Variants in IGSF9 observed in about 807,000 individuals in gnomAD.
IGSF9 encodes protein turtle homolog A.
A neutral mutation model predicts 121.7 loss-of-function variants in IGSF9; 87 were observed. The observed-to-expected ratio is 0.71, with a 90% CI of 0.60 to 0.85. IGSF9 has a LOEUF of 0.85. Among genes scored for constraint, IGSF9 ranks in the 40% least tolerant of loss-of-function variants. IGSF9 has a pLI of 0.00. For missense variants in IGSF9, 1,462 were observed against 1,565.3 expected (o/e 0.93, Z 1.11); for synonymous variants, 640 against 648.4 (o/e 0.99, Z 0.20).
intron 2 of IGSF9, 58 bp from the exon 3 acceptor site, chr1:159,943,209 GA>G: frequency 6.9e-7 from 1 of 1,448,942 alleles, no homozygotes; most frequent in South Asian, 1.3e-5. Flanking sequence ...CTGGGAGGGG[GA>G]GTGCCATCAG....
chr1:159,931,739 C>T lies in IGSF9; in HGVS notation c.1362+73G>A. Reference sequence around the variant, plus strand: ...TCTCCTTCCCACACCCTCCCTCCCACAAAATGGCTGGGGCACGAGAGGCAG... The same window carrying T: ...TCTCCTTCCCACACCCTCCCTCCCATAAAATGGCTGGGGCACGAGAGGCAG... On this transcript the variant is annotated intron_variant, in intron 11 of 20. Coordinates refer to ENST00000368094, the MANE Select transcript of IGSF9 (RefSeq NM_001135050.2). This position sits in a 1 kb window ranked among gnomAD's most constrained non-coding sequence, Gnocchi z 4.8. The T allele has an allele frequency of 2.7e-6, 4 of 1,473,228 alleles. No individual in the cohort carries two copies. Among genetic ancestry groups the T allele is most frequent in the Non-Finnish European group, 3.7e-6 (4 of 1,077,736 alleles). 91.3% of individuals were successfully genotyped at this position (1,473,228 alleles called of 1,614,324 possible).
In IGSF9 at chr1:159,931,262, C is replaced by G. The variant is rs767642813; in HGVS notation, c.1514-1G>C. The stretch of plus-strand genomic sequence containing the variant: ...TTGGTGACAACATGAGGGCTAGTGC[C>G]TAGGCAGGGGGGAATGGAGGGATGG... On this transcript the variant is annotated splice_acceptor_variant, in intron 12 of 20. Coordinates refer to ENST00000368094, the MANE Select transcript of IGSF9 (RefSeq NM_001135050.2). LOFTEE classifies it high-confidence loss of function. The surrounding 1 kb of genome is among the most constrained non-coding windows in gnomAD (Gnocchi z 4.8). The G allele has an allele frequency of 7.4e-6, 12 of 1,614,074 alleles. No homozygotes were observed. The highest frequency in any genetic ancestry group is 9.3e-6 in the Non-Finnish European group (11 of 1,179,952).
intron 19 of IGSF9, 75 bp downstream of exon 19, chr1:159,928,083 A>G: frequency 6.5e-7 from 1 of 1,539,810 alleles, no homozygotes; most frequent in Admixed American, 1.8e-5. Flanking sequence ...GAGAAGGTGC[A>G]GGGTATTGGG....
intron 13 of IGSF9, 37 bp from the exon 14 acceptor site, chr1:159,930,904 C>G: frequency 6.5e-7 from 1 of 1,549,292 alleles, no homozygotes; most frequent in African/African-American, 1.4e-5. Context: ...ACCTCGTGAG[C>G]TAGGAAGACC....
rs575352607 is a variant in IGSF9 at position 159,927,095 on chromosome 1, C to CAGAGAGAGAG, written c.*249_*250insCTCTCTCTCT. On this transcript the variant is annotated 3_prime_UTR_variant, in exon 21 of 21. Coordinates refer to ENST00000368094, the MANE Select transcript of IGSF9 (RefSeq NM_001135050.2). Reference sequence around the variant, plus strand: ...AAAACTTCACACACACACACACACACACAGAGAGAGAGAGAGAGAGAGAGA... The same window carrying CAGAGAGAGAG: ...AAAACTTCACACACACACACACACACAGAGAGAGAGACAGAGAGAGAGAGAGAGAGAGAGA... 328 of 450,902 alleles carry CAGAGAGAGAG rather than the reference C, an allele frequency of 7.3e-4. No homozygotes were observed. The highest frequency in any genetic ancestry group is 2.5e-3 in the South Asian group (89 of 35,414). 27.9% of individuals were successfully genotyped at this position (450,902 alleles called of 1,614,324 possible). A position where few individuals can be genotyped will look rare whatever the true frequency, so the allele number is the denominator to read the frequency against.
chr1:159,928,699 G>T lies in IGSF9; in HGVS notation c.2689C>A (p.Pro897Thr), dbSNP rs754681693. 7.4e-6 allele frequency: 11 copies of T among 1,478,604 alleles called. No homozygotes were observed. Among genetic ancestry groups the T allele is most frequent in the Admixed American group, 2.6e-5 (1 of 38,806 alleles). The allele number at this position is 1,478,604 out of a possible 1,614,324, so 91.6% of individuals were successfully genotyped here. Residue 897 changes from proline to threonine, a missense_variant, in exon 19 of 21, where the codon CCC becomes ACC. Physicochemically the swap from Pro to Thr is conservative, Grantham distance 38 (BLOSUM62 -1). Transcript: ENST00000368094. ...GGGCTGATGTCTTCAATGCAGAGGG[G>T]CTGGGGTGCCCCACTGGGGCTGCTG... Reference protein sequence around the residue: ...SSSSPSGAPQPLCIEDISPVA... With the variant: ...SSSSPSGAPQTLCIEDISPVA...
At position 159,931,677 on chromosome 1, in the gene IGSF9, C is replaced by A; in HGVS notation, c.1363-74G>T. 6.4e-7 allele frequency: 1 copy of A among 1,562,754 alleles called. No individual in the cohort carries two copies. The highest frequency in any genetic ancestry group is 8.7e-7 in the Non-Finnish European group (1 of 1,146,564). On this transcript the variant is annotated intron_variant, in intron 11 of 20. Transcript: ENST00000368094. This position sits in a 1 kb window ranked among gnomAD's most constrained non-coding sequence, Gnocchi z 4.8. ...CAAAGGCGCCCCTCATCTCTCCAGGCAGCTCCAGTTCCTCCCCACCCTGCC... is the reference window on the plus strand; with the variant it reads ...CAAAGGCGCCCCTCATCTCTCCAGGAAGCTCCAGTTCCTCCCCACCCTGCC...
chr1:159,944,951 C>T (rs766974833), intron 1 of IGSF9, among the ~76,000 whole-genome samples: 1 of 152,018 alleles, frequency 6.6e-6, no homozygotes, highest in Non-Finnish European at 1.5e-5. Context: ...GGTTGTTTTC[C>T]GAGACTCTGA....
chr1:159,933,733 G>T, intron 9 of IGSF9: 1 of 197,534 alleles, frequency 5.1e-6, no homozygotes, highest in South Asian at 8.0e-5. Context: ...TAAGAGGAAG[G>T]CACGAGCTCC....
chr1:159,939,282 C>T (rs1208220769), intron 3 of IGSF9, among the ~76,000 whole-genome samples: 1 of 152,070 alleles, frequency 6.6e-6, no homozygotes, highest in Admixed American at 6.6e-5. Context: ...AGGTGGAGTA[C>T]AGTGGTTTGA....
Position 159,931,043 on chromosome 1 carries a change from G to A in IGSF9, c.1637+95C>T. 6.4e-7 allele frequency: 1 copy of A among 1,562,916 alleles called. No individual in the cohort carries two copies. Among genetic ancestry groups the A allele is most frequent in the African/African-American group, 1.4e-5 (1 of 74,062 alleles). On this transcript the variant is annotated intron_variant, in intron 13 of 20. Coordinates refer to ENST00000368094, the MANE Select transcript of IGSF9 (RefSeq NM_001135050.2). This position sits in a 1 kb window ranked among gnomAD's most constrained non-coding sequence, Gnocchi z 4.8. Reference sequence around the variant, plus strand: ...AGAGCCAGGACTGGTGAGGGATAGAGGGACAGAAGAAAGGGCAGAAGGCCA... The same window carrying A: ...AGAGCCAGGACTGGTGAGGGATAGAAGGACAGAAGAAAGGGCAGAAGGCCA...
Position 159,930,751 on chromosome 1 carries a change from A to C in IGSF9, c.1754T>G (p.Leu585Arg). ...ACCACTCCCCAGCTTGTTCTGAGCT[A>C]GCACGCTGAACTGGTACTGGGTGTG... is the stretch of plus-strand genomic sequence containing the variant. ...QPHTQYQFSV[L>R]AQNKLGSGPF... The change falls in exon 14 of 21, where the codon CTA becomes CGA. Residue 585 changes from leucine (L) to arginine (R), a missense_variant. Physicochemically the swap from Leu to Arg is moderately radical, Grantham distance 102. Around this residue, in one of 3 missense-constraint regions of IGSF9, gnomAD observed 808 missense variants for 815.2 expected, o/e 0.99. Coordinates refer to ENST00000368094, the MANE Select transcript of IGSF9 (RefSeq NM_001135050.2). The C allele has an allele frequency of 6.2e-7, 1 of 1,614,166 alleles. No individual in the cohort carries two copies. The highest frequency in any genetic ancestry group is 8.5e-7 in the Non-Finnish European group (1 of 1,180,016).
chr1:159,932,535 G>A lies in IGSF9; in HGVS notation c.1222C>T (p.Pro408Ser). ...ACCTTGAGCAGCACGCGGGTCACAG[G>A]AGAGGGCCCGGCGGTACCAAGACTG... ...YNSLGTAGPSPVTRVLLKAPP... is the reference protein window; with the variant it reads ...YNSLGTAGPSSVTRVLLKAPP... Residue 408 changes from proline to serine, a missense_variant, in exon 10 of 21, where the codon CCT (proline) becomes TCT (serine). By Grantham distance (74) the Pro-to-Ser change is moderately conservative. Transcript: ENST00000368094. This position sits in a 1 kb window ranked among gnomAD's most constrained non-coding sequence, Gnocchi z 4.1. 5.0e-6 allele frequency: 8 copies of A among 1,614,064 alleles called. No homozygotes were observed. Among genetic ancestry groups the A allele is most frequent in the Non-Finnish European group, 6.8e-6 (8 of 1,179,980 alleles).
intron 9 of IGSF9, 125 bp downstream of exon 9, chr1:159,934,065 T>C: frequency 8.5e-7 from 1 of 1,170,978 alleles, no homozygotes; most frequent in South Asian, 1.4e-5. Flanking sequence ...ATAACACAAA[T>C]TAAATTCACA....
chr1:159,929,371 C>A lies in IGSF9; in HGVS notation c.2349G>T (p.Pro783=). ...LRQDPPLIFS[P]TGKSAAPSAL... Reference sequence around the variant, plus strand: ...CTTACGGTGCAGCTGACTTCCCGGTCGGAGAGAAGATAAGAGGTGGATCTG... The same window carrying A: ...CTTACGGTGCAGCTGACTTCCCGGTAGGAGAGAAGATAAGAGGTGGATCTG... The change falls in exon 18 of 21, where the codon CCG becomes CCT. Residue 783 remains proline (P), a synonymous_variant. Transcript: ENST00000368094. 1 of 1,614,042 alleles carries A rather than the reference C, an allele frequency of 6.2e-7. No individual in the cohort carries two copies. Among genetic ancestry groups the A allele is most frequent in the South Asian group, 1.1e-5 (1 of 91,042 alleles).
rs1651041022 is a variant in IGSF9, at chr1:159,932,709, G to A, written c.1105-57C>T. On this transcript the variant is annotated intron_variant, in intron 9 of 20. Coordinates refer to ENST00000368094, the MANE Select transcript of IGSF9 (RefSeq NM_001135050.2). This position sits in a 1 kb window ranked among gnomAD's most constrained non-coding sequence, Gnocchi z 4.1. ...AGGAGCTCAGCAGAGACAAGCCCGG[G>A]ATGGCAGTACAAGAGAGGGGGCAGG... 5.2e-6 allele frequency: 8 copies of A among 1,545,364 alleles called. No individual in the cohort carries two copies. The highest frequency in any genetic ancestry group is 2.3e-5 in the East Asian group (1 of 43,692).
Position 159,927,097 on chromosome 1 carries a change from C to CACACACAGAGAGAGAG in IGSF9, c.*247_*248insCTCTCTCTCTGTGTGT, listed in dbSNP as rs762782876. 5.4e-5 allele frequency: 20 copies of CACACACAGAGAGAGAG among 371,954 alleles called. No individual in the cohort carries two copies. Among genetic ancestry groups the CACACACAGAGAGAGAG allele is most frequent in the South Asian group, 1.9e-4 (5 of 26,276 alleles). The allele number at this position is 371,954 out of a possible 1,614,324, so 23.0% of individuals were successfully genotyped here. ...AACTTCACACACACACACACACACACAGAGAGAGAGAGAGAGAGAGAGAGA... is the reference window on the plus strand; with the variant it reads ...AACTTCACACACACACACACACACACACACACAGAGAGAGAGAGAGAGAGAGAGAGAGAGAGAGAGA... On this transcript the variant is annotated 3_prime_UTR_variant, in exon 21 of 21. Transcript: ENST00000368094.
intron 3 of IGSF9, 71 bp from the exon 4 acceptor site, chr1:159,937,909 G>A: frequency 6.7e-7 from 1 of 1,490,398 alleles, no homozygotes; most frequent in Non-Finnish European, 9.2e-7. Context: ...GGTCACACTG[G>A]TAATTCTTAG....
intron 3 of IGSF9, among the ~76,000 whole-genome samples, chr1:159,938,132 C>T (rs937584271): frequency 1.6e-4 from 24 of 152,252 alleles, no homozygotes; most frequent in African/African-American, 5.1e-4. Flanking sequence ...GTGTCTAGGA[C>T]TGTTGGGGAA....
Sources: gnomAD v4.1 joint callset for allele counts (sites outside exome capture counted in the v4.1 genomes callset) on GRCh38, gnomAD v4.1.1 for gene constraint, gnomAD v4.1.1 regional missense constraint, Gnocchi (gnomAD v3.1) non-coding constraint, MANE v1.5 for transcripts, NCBI Gene and HGNC (gene_info 2026-07-23, HGNC 2026-07-21) for gene names.